The following ZBBX variants were observed in gnomAD, a reference collection of about 807,000 sequenced individuals.
The protein encoded by ZBBX is zinc finger B-box domain-containing protein 1.
Under a neutral mutation model 108.5 loss-of-function variants are expected in ZBBX, and 101 were observed. That is an observed-to-expected ratio of 0.93 (90% CI 0.79 to 1.10). The LOEUF is 1.10. ZBBX is among the 50% of genes least tolerant of loss of function. The pLI is 0.00. For synonymous variants in ZBBX, 356 were observed against 323.4 expected (o/e 1.10, Z -1.08); for missense variants, 1,009 against 941.4 (o/e 1.07, Z -0.94).
intron 1 of ZBBX, among the ~76,000 whole-genome samples, chr3:167,396,050 G>A (rs1748227248): frequency 6.6e-6 from 1 of 151,986 alleles, no homozygotes; most frequent in Admixed American, 6.6e-5. Context: ...TGGCATGATT[G>A]CGGAATTCAT....
At chr3:167,338,355 T>C (rs942896933) in intron 9 of ZBBX, among the ~76,000 whole-genome samples, 2 of 152,208 alleles carry the variant, frequency 1.3e-5, no homozygotes, top group Non-Finnish European at 2.9e-5. Context: ...GGATGGCACC[T>C]TGTAGAAGTT....
chr3:167,258,903 T>C (rs1318363127), intron 20 of ZBBX, among the ~76,000 whole-genome samples: 1 of 152,220 alleles, frequency 6.6e-6, no homozygotes, highest in Non-Finnish European at 1.5e-5. Context: ...TTAGCATCTA[T>C]GTTCATCAAG....
Position 167,261,142 on chromosome 3 carries a change from G to C in ZBBX, c.2255-18499C>G, listed in dbSNP as rs550787880. On this transcript the variant is annotated intron_variant, in intron 20 of 21. Transcript: ENST00000675490. ...CAGAGAGTCTACCTGGCTCTGGACT[G>C]GTACTGGGTGTTGCCTGCCCAGCAT... 3.9e-5 allele frequency among the ~76,000 whole-genome samples: 6 copies of C among 152,262 alleles called. No homozygotes were observed. The South Asian group carries it at 1.2e-3, about 32-fold the overall frequency.
chr3:167,302,534 T>C (rs921445695), intron 17 of ZBBX, among the ~76,000 whole-genome samples: 4 of 151,766 alleles, frequency 2.6e-5, no homozygotes, highest in Admixed American at 2.6e-4. Flanking sequence ...AAAATAACTA[T>C]ACACACACAC....
the ZBBX span, among the ~76,000 whole-genome samples, chr3:167,209,620 A>G: frequency 6.6e-6 from 1 of 152,196 alleles, no homozygotes; most frequent in East Asian, 1.9e-4. Flanking sequence ...ATAGGTACAA[A>G]CAAGCCCAGA....
chr3:167,203,864 G>A, the ZBBX span, among the ~76,000 whole-genome samples: 28,415 of 152,072 alleles, frequency 0.19, 3,064 homozygotes, highest in Non-Finnish European at 0.25. Context: ...CTTGTAACCC[G>A]TAAAGCATTC....
chr3:167,388,627 T>C (rs772590507), intron 1 of ZBBX, among the ~76,000 whole-genome samples: 3 of 152,012 alleles, frequency 2.0e-5, no homozygotes, highest in Non-Finnish European at 4.4e-5. Context: ...CGTTGACCTC[T>C]CTCTCACTTA....
intron 1 of ZBBX, among the ~76,000 whole-genome samples, chr3:167,392,091 C>T (rs919954791): frequency 1.3e-5 from 2 of 151,648 alleles, no homozygotes; most frequent in Non-Finnish European, 3.0e-5. Context: ...CACTGATCTG[C>T]TTTTAGCCAC....
chr3:167,379,888 G>C (rs1388337136), intron 1 of ZBBX, 96 bp from the exon 2 acceptor site: 1 of 152,256 alleles, frequency 6.6e-6, no homozygotes, highest in Non-Finnish European at 1.5e-5. Flanking sequence ...ATTTGAAAGG[G>C]TCGGGCTGCA....
At chr3:167,284,351 T>C (rs1276090714) in intron 19 of ZBBX, among the ~76,000 whole-genome samples, 1 of 152,034 alleles carries the variant, frequency 6.6e-6, no homozygotes, top group East Asian at 1.9e-4. Context: ...GCAATAGCAG[T>C]AGCTGCACAA....
At chr3:167,322,682 A>G (rs1736645638) in intron 11 of ZBBX, among the ~76,000 whole-genome samples, 1 of 152,122 alleles carries the variant, frequency 6.6e-6, no homozygotes, top group African/African-American at 2.4e-5. Flanking sequence ...ACAAATTTAT[A>G]TCTACATGGT....
intron 15 of ZBBX, among the ~76,000 whole-genome samples, chr3:167,314,870 C>T (rs1004908663): frequency 4.6e-5 from 7 of 151,990 alleles, no homozygotes; most frequent in African/African-American, 9.7e-5. Flanking sequence ...TAAAAGAATC[C>T]GATTAGAGAA....
upstream of ZBBX, among the ~76,000 whole-genome samples, chr3:167,383,585 A>C (rs1177385273): frequency 6.6e-6 from 1 of 152,040 alleles, no homozygotes; most frequent in Non-Finnish European, 1.5e-5. Flanking sequence ...ATCATCCATG[A>C]CACAGAATTT....
chr3:167,258,276 C>T (rs1165521203), intron 20 of ZBBX, among the ~76,000 whole-genome samples: 2 of 152,076 alleles, frequency 1.3e-5, no homozygotes, highest in East Asian at 1.9e-4. Flanking sequence ...ACCATTTGAT[C>T]CAGAAATCCC....
chr3:167,352,545 C>A (rs1298592900), intron 8 of ZBBX, among the ~76,000 whole-genome samples: 1 of 151,788 alleles, frequency 6.6e-6, no homozygotes, highest in African/African-American at 2.4e-5. Flanking sequence ...CAAATTCTAC[C>A]AGTCATAAAA....
At chr3:167,357,221 C>T (rs761511367) in intron 8 of ZBBX, among the ~76,000 whole-genome samples, 14 of 152,008 alleles carry the variant, frequency 9.2e-5, no homozygotes, top group Non-Finnish European at 1.5e-4. Flanking sequence ...TACAGAAAAC[C>T]AGCAAAGAAC....
chr3:167,252,593 A>AC (rs1722803358), intron 20 of ZBBX, among the ~76,000 whole-genome samples: 1 of 151,618 alleles, frequency 6.6e-6, no homozygotes, highest in South Asian at 2.1e-4. Context: ...CCAACAGAAA[A>AC]AAAAAAAAAA....
intron 11 of ZBBX, among the ~76,000 whole-genome samples, chr3:167,324,630 G>A (rs1046059010): frequency 2.0e-5 from 3 of 152,074 alleles, no homozygotes; most frequent in Non-Finnish European, 4.4e-5. Context: ...TTGAAACACT[G>A]ATCACTACTC....
chr3:167,217,358 T>C, the ZBBX span, among the ~76,000 whole-genome samples: 2 of 151,926 alleles, frequency 1.3e-5, no homozygotes, highest in Admixed American at 6.6e-5. Flanking sequence ...AACAATCATA[T>C]GAAAAAAAGT....
Sources: allele counts gnomAD v4.1 joint callset (sites outside exome capture counted in the v4.1 genomes callset), GRCh38; gene constraint gnomAD v4.1.1; transcripts MANE v1.5; gene names NCBI Gene and HGNC (gene_info 2026-07-23, HGNC 2026-07-21).